FNDC3B: variants seen among roughly 807,000 people sequenced by gnomAD.
FNDC3B encodes fibronectin type III domain-containing protein 3B.
A neutral mutation model predicts 151.5 loss-of-function variants in FNDC3B; 12 were observed. The observed-to-expected ratio is 0.08, with a 90% confidence interval of 0.05 to 0.13. The LOEUF (loss-of-function observed/expected upper bound fraction) is 0.13. Among genes scored for constraint, FNDC3B ranks in the 10% least tolerant of loss-of-function variants. The pLI is 1.00. For missense variants in FNDC3B, 1,214 were observed against 1,505.3 expected (o/e 0.81, Z 3.20); for synonymous variants, 528 against 549.0 (o/e 0.96, Z 0.54).
chr3:172,080,014 A>G (rs1394130730), intron 1 of FNDC3B, among the ~76,000 whole-genome samples: 1 of 152,032 alleles, frequency 6.6e-6, no homozygotes, highest in Admixed American at 6.6e-5. Flanking sequence ...CTACGGAAAA[A>G]CTCAAAACAG....
intron 1 of FNDC3B, among the ~76,000 whole-genome samples, chr3:172,050,979 A>C (rs1298140647): frequency 6.6e-6 from 1 of 152,042 alleles, no homozygotes; most frequent in Non-Finnish European, 1.5e-5. Context: ...GAATGCTCTT[A>C]AATGATTTTG....
Position 172,226,977 on chromosome 3 carries a change from C to T in FNDC3B, c.264+30C>T, listed in dbSNP as rs747473310. 5.8e-6 allele frequency: 8 copies of T among 1,372,468 alleles called. No homozygotes were observed. In the Admixed American group the frequency reaches 1.3e-4, roughly 23 times the overall value. The allele number at this position is 1,372,468 out of a possible 1,614,324, so 85.0% of individuals were successfully genotyped here. A position where few individuals can be genotyped will look rare whatever the true frequency, so the allele number is the denominator to read the frequency against. On this transcript the variant is annotated intron_variant, in intron 4 of 25. Coordinates refer to ENST00000415807, the MANE Select transcript of FNDC3B (RefSeq NM_022763.4). ...TCCATTTGATGGACTTCTCTACTCA[C>T]TATGGACACTGTCGTTGCTCCAACA...
chr3:172,248,252 AGGCT>A (rs1384098798), intron 5 of FNDC3B, among the ~76,000 whole-genome samples: 1 of 152,196 alleles, frequency 6.6e-6, no homozygotes, highest in Non-Finnish European at 1.5e-5. Flanking sequence ...GTTTCCTAAA[AGGCT>A]CTATGTTGTG....
At chr3:172,127,197 A>G in intron 2 of FNDC3B, 1 of 415,214 alleles carries the variant, frequency 2.4e-6, no homozygotes, top group Non-Finnish European at 4.8e-6. Flanking sequence ...AGTTGGGGGT[A>G]GAAGGCTCTG....
intron 17 of FNDC3B, among the ~76,000 whole-genome samples, chr3:172,341,962 C>T (rs1410152575): frequency 6.6e-6 from 1 of 152,154 alleles, no homozygotes; most frequent in Non-Finnish European, 1.5e-5. Context: ...GAATGAGAAA[C>T]GAGATGCCAA....
intron 11 of FNDC3B, among the ~76,000 whole-genome samples, chr3:172,323,945 C>T (rs1042195754): frequency 6.6e-6 from 1 of 151,842 alleles, no homozygotes; most frequent in Non-Finnish European, 1.5e-5. Context: ...GCTGGGACTT[C>T]CCCCCAAAGG....
At chr3:172,330,342 CTAG>C (rs959108765) in intron 12 of FNDC3B, 196 bp from the exon 13 acceptor site, 7 of 495,682 alleles carry the variant, frequency 1.4e-5, no homozygotes, top group African/African-American at 7.9e-5. Flanking sequence ...GTGTGTGTGT[CTAG>C]TAGAAGATCA....
chr3:172,257,470 T>C (rs1728409748), intron 6 of FNDC3B, among the ~76,000 whole-genome samples: 2 of 152,132 alleles, frequency 1.3e-5, no homozygotes, highest in Admixed American at 1.3e-4. Context: ...TTTCAAAATC[T>C]TATCAATGAG....
At chr3:172,165,162 C>T (rs201919690) in intron 3 of FNDC3B, among the ~76,000 whole-genome samples, 8 of 152,198 alleles carry the variant, frequency 5.3e-5, no homozygotes, top group East Asian at 3.9e-4. Context: ...TACAGGCATG[C>T]GCCACCATGG....
intron 1 of FNDC3B, among the ~76,000 whole-genome samples, chr3:172,092,318 CAT>C (rs1199584679): frequency 1.3e-5 from 2 of 152,208 alleles, no homozygotes; most frequent in African/African-American, 4.8e-5. Context: ...GAGCCCCTGT[CAT>C]ATGCTGGACT....
intron 3 of FNDC3B, among the ~76,000 whole-genome samples, chr3:172,225,131 T>TTCAC (rs1300762501): frequency 2.6e-5 from 4 of 152,254 alleles, no homozygotes; most frequent in Non-Finnish European, 5.9e-5. Flanking sequence ...TTTGTTGTTG[T>TTCAC]TCACGTCTTT....
chr3:172,136,999 C>T (rs369872830), intron 3 of FNDC3B, among the ~76,000 whole-genome samples: 38 of 152,304 alleles, frequency 2.5e-4, no homozygotes, highest in African/African-American at 8.4e-4. Flanking sequence ...CCACCACATC[C>T]GGCGGTGTTT....
intron 1 of FNDC3B, among the ~76,000 whole-genome samples, chr3:172,049,060 A>T (rs950790250): frequency 1.3e-5 from 2 of 152,198 alleles, no homozygotes; most frequent in African/African-American, 4.8e-5. Context: ...CAACATTATG[A>T]ATGTATGTAA....
intron 3 of FNDC3B, among the ~76,000 whole-genome samples, chr3:172,154,851 A>T (rs1163387038): frequency 6.6e-6 from 1 of 152,084 alleles, no homozygotes; most frequent in African/African-American, 2.4e-5. Context: ...AGCCTTCGTG[A>T]TCTCTCCAGG....
chr3:172,333,280 C>T, intron 14 of FNDC3B, 105 bp downstream of exon 14: 1 of 740,474 alleles, frequency 1.4e-6, no homozygotes, highest in African/African-American at 1.8e-5. Flanking sequence ...ATGAAGTTCA[C>T]AGCACTTTAC....
intron 3 of FNDC3B, among the ~76,000 whole-genome samples, chr3:172,139,648 A>G (rs1291100183): frequency 6.6e-6 from 1 of 152,172 alleles, no homozygotes. Context: ...TTATTTGACT[A>G]TTTGTAAAAT....
intron 3 of FNDC3B, among the ~76,000 whole-genome samples, chr3:172,139,579 G>T (rs193033434): frequency 6.6e-6 from 1 of 152,214 alleles, no homozygotes; most frequent in Non-Finnish European, 1.5e-5. Context: ...TAAAATTATT[G>T]TAACATGAAT....
At chr3:172,299,711 G>A (rs1335960554) in intron 9 of FNDC3B, among the ~76,000 whole-genome samples, 3 of 151,726 alleles carry the variant, frequency 2.0e-5, no homozygotes, top group African/African-American at 7.3e-5. Flanking sequence ...CTTTCCAAAG[G>A]TTAATTTACA....
chr3:172,395,848 C>T (rs968404681), intron 25 of FNDC3B, among the ~76,000 whole-genome samples: 38 of 152,194 alleles, frequency 2.5e-4, no homozygotes, highest in Non-Finnish European at 1.2e-4. Flanking sequence ...CATCTTTCAG[C>T]ATCACAGAAA....
Sources: gnomAD v4.1 joint callset for allele counts (sites outside exome capture counted in the v4.1 genomes callset) on GRCh38, gnomAD v4.1.1 for gene constraint, MANE v1.5 for transcripts, NCBI Gene and HGNC (gene_info 2026-07-23, HGNC 2026-07-21) for gene names.